SLC24A4: variants seen among roughly 807,000 people sequenced by gnomAD.
SLC24A4 encodes the protein solute carrier family 24 member 4.
SLC24A4 carries 53 observed loss-of-function variants against 79.0 expected under a neutral mutation model. That is an observed-to-expected ratio of 0.67 (90% CI 0.54 to 0.84). The LOEUF (loss-of-function observed/expected upper bound fraction) is 0.84. Ranked by LOEUF, SLC24A4 falls within the 40% of genes least tolerant of loss-of-function variation. The pLI, the probability that SLC24A4 is intolerant of heterozygous loss-of-function variation, is 0.00. For synonymous variants in SLC24A4, 323 were observed against 323.8 expected (o/e 1.00, Z 0.03); for missense variants, 731 against 822.0 (o/e 0.89, Z 1.35).
chr14:92,477,498 T>G (rs1894832698), intron 12 of SLC24A4, among the ~76,000 whole-genome samples: 3 of 152,214 alleles, frequency 2.0e-5, no homozygotes, highest in Admixed American at 6.5e-5. Context: ...AGACAAGACC[T>G]CACTCTGTTG....
intron 2 of SLC24A4, among the ~76,000 whole-genome samples, chr14:92,367,058 C>A (rs1231312841): frequency 6.6e-6 from 1 of 152,126 alleles, no homozygotes; most frequent in East Asian, 1.9e-4. Flanking sequence ...AGCAGGTGGA[C>A]ACCCCGGGTA....
At chr14:92,347,349 T>C (rs1231500587) in intron 2 of SLC24A4, among the ~76,000 whole-genome samples, 1 of 152,194 alleles carries the variant, frequency 6.6e-6, no homozygotes, top group African/African-American at 2.4e-5. Flanking sequence ...TATAAGACCT[T>C]ACTAATGACC....
chr14:92,484,678 G>C, intron 13 of SLC24A4: 1 of 985,338 alleles, frequency 1.0e-6, no homozygotes. Context: ...AGCTAAATGG[G>C]GGACATGGGG....
intron 2 of SLC24A4, among the ~76,000 whole-genome samples, chr14:92,331,546 G>A (rs1885480111): frequency 6.6e-6 from 1 of 152,222 alleles, no homozygotes; most frequent in Non-Finnish European, 1.5e-5. Context: ...GCCTCCCAAA[G>A]TGCTGGGATT....
intron 1 of SLC24A4, 34 bp from the exon 2 acceptor site, chr14:92,325,834 C>T (rs2141585422): frequency 7.4e-7 from 1 of 1,360,312 alleles, no homozygotes; most frequent in Non-Finnish European, 1.0e-6. Flanking sequence ...ATCACACTGA[C>T]CTAATGGTAT....
intron 2 of SLC24A4, among the ~76,000 whole-genome samples, chr14:92,365,257 C>T (rs1887762098): frequency 6.6e-6 from 1 of 152,256 alleles, no homozygotes; most frequent in South Asian, 2.1e-4. Context: ...TGAGTTAAAC[C>T]TGAATTCACC....
chr14:92,443,962 G>T (rs1892647445), intron 7 of SLC24A4, among the ~76,000 whole-genome samples: 1 of 152,050 alleles, frequency 6.6e-6, no homozygotes, highest in Non-Finnish European at 1.5e-5. Context: ...CACCAAGGTG[G>T]AAGCCACAGC....
chr14:92,330,987 G>C (rs1385318043), intron 2 of SLC24A4, among the ~76,000 whole-genome samples: 1 of 152,206 alleles, frequency 6.6e-6, no homozygotes, highest in African/African-American at 2.4e-5. Flanking sequence ...GGAACCTGGT[G>C]CTTCTCAACC....
rs1316643472 is a variant in SLC24A4 at position 92,380,712 on chromosome 14, G to T, written c.242-53200G>T. On this transcript the variant is annotated intron_variant, in intron 2 of 16. Coordinates refer to ENST00000532405, the MANE Select transcript of SLC24A4 (RefSeq NM_153646.4). ...CACAACACTGGGCCAGCCAGCACCA[G>T]GACTCTCAGTGTGCAAGCAAGGGCT... is the stretch of plus-strand genomic sequence containing the variant. Among the ~76,000 whole-genome samples the T allele has an allele frequency of 2.0e-5, 3 of 152,172 alleles. No homozygotes were observed. In the East Asian group the frequency reaches 5.8e-4, roughly 29 times the overall value.
rs7156885 is a variant in SLC24A4 at position 92,486,336 on chromosome 14, C to T, written c.1423-330C>T. ...AGGGTCCTGGACTTGAATCTGCTTC[C>T]TGGTCTGAAGCCTGAGTGTTGGAGG... is the stretch of plus-strand genomic sequence containing the variant. On this transcript the variant is annotated intron_variant, in intron 13 of 16. Coordinates refer to ENST00000532405, the MANE Select transcript of SLC24A4 (RefSeq NM_153646.4). Among the ~76,000 whole-genome samples the T allele has an allele frequency of 0.24, 35,769 of 152,004 alleles. 4,746 individuals are homozygous for T. Among genetic ancestry groups the T allele is most frequent in the Admixed American group, 0.31 (4,759 of 15,262 alleles).
At chr14:92,323,021 GTCC>G (rs1566682658), upstream of SLC24A4, among the ~76,000 whole-genome samples, 3,214 of 152,220 alleles carry the variant, frequency 0.021, 104 homozygotes, top group African/African-American at 0.072. This position sits in a 1 kb window ranked among gnomAD's most constrained non-coding sequence, Gnocchi z 4.9. Context: ...GTCAGTAGAG[GTCC>G]AACTACTGAA....
In SLC24A4 at chr14:92,323,745, A is replaced by C. The variant is rs991119544; in HGVS notation, c.-86A>C. 9.6e-6 allele frequency: 14 copies of C among 1,465,848 alleles called. No individual in the cohort carries two copies. Among genetic ancestry groups the C allele is most frequent in the African/African-American group, 2.8e-5 (2 of 70,874 alleles). 90.8% of individuals were successfully genotyped at this position (1,465,848 alleles called of 1,614,324 possible). ...CTCTGAGTCGCGCACCGCCTGCTCCAGCCCCAGCGCCGCTCGGCCACTGAT... is the reference window on the plus strand; with the variant it reads ...CTCTGAGTCGCGCACCGCCTGCTCCCGCCCCAGCGCCGCTCGGCCACTGAT... On this transcript the variant is annotated 5_prime_UTR_variant, in exon 1 of 17. Transcript: ENST00000532405. The surrounding 1 kb of genome is among the most constrained non-coding windows in gnomAD (Gnocchi z 4.9).
chr14:92,460,579 C>CT (rs1452971487), intron 12 of SLC24A4, among the ~76,000 whole-genome samples: 1 of 152,190 alleles, frequency 6.6e-6, no homozygotes, highest in Non-Finnish European at 1.5e-5. Context: ...GCTTCAGGCA[C>CT]TTAGCAGACA....
chr14:92,424,877 G>A (rs139209611), intron 2 of SLC24A4, among the ~76,000 whole-genome samples: 2,176 of 92,662 alleles, frequency 0.023, 26 homozygotes, highest in Non-Finnish European at 0.031. Context: ...GCAAGACTCC[G>A]TCTCAAAAAA....
intron 2 of SLC24A4, among the ~76,000 whole-genome samples, chr14:92,358,180 C>T (rs994790952): frequency 5.9e-5 from 9 of 152,146 alleles, no homozygotes; most frequent in Admixed American, 3.9e-4. Context: ...AGTGGAAATA[C>T]CGTGTAGGGA....
At chr14:92,430,215 G>A (rs144808017) in intron 2 of SLC24A4, among the ~76,000 whole-genome samples, 9 of 152,314 alleles carry the variant, frequency 5.9e-5, no homozygotes, top group Non-Finnish European at 1.0e-4. Flanking sequence ...ATCTGAGGGC[G>A]CTCAGGGTCC....
At chr14:92,424,179 A>G (rs1239951293) in intron 2 of SLC24A4, among the ~76,000 whole-genome samples, 1 of 151,888 alleles carries the variant, frequency 6.6e-6, no homozygotes, top group Non-Finnish European at 1.5e-5. Flanking sequence ...CAACTTAACT[A>G]CCTACCTCTG....
At chr14:92,369,780 A>G (rs972036179) in intron 2 of SLC24A4, among the ~76,000 whole-genome samples, 4 of 152,148 alleles carry the variant, frequency 2.6e-5, no homozygotes, top group African/African-American at 9.7e-5. Flanking sequence ...TACCTGCTAG[A>G]TGCCAATAGC....
chr14:92,329,884 G>A (rs1885366985), intron 2 of SLC24A4, among the ~76,000 whole-genome samples: 1 of 152,202 alleles, frequency 6.6e-6, no homozygotes, highest in South Asian at 2.1e-4. Flanking sequence ...ACCCTTGAGG[G>A]CTACCTCTTT....
Sources: allele counts gnomAD v4.1 joint callset (sites outside exome capture counted in the v4.1 genomes callset), GRCh38; gene constraint gnomAD v4.1.1; non-coding constraint Gnocchi (gnomAD v3.1); transcripts MANE v1.5; gene names NCBI Gene and HGNC (gene_info 2026-07-23, HGNC 2026-07-21).